The following CSF2RA variants were observed in gnomAD, a reference collection of about 807,000 sequenced individuals.
CSF2RA encodes the protein granulocyte-macrophage colony-stimulating factor receptor subunit alpha.
In CSF2RA, 42 loss-of-function variants were observed where a neutral mutation model predicts 51.6. That is an observed-to-expected ratio of 0.81 (90% CI 0.64 to 1.05). The LOEUF (loss-of-function observed/expected upper bound fraction) is 1.05, where lower values mean the gene tolerates loss of function less well. CSF2RA is among the 50% of genes least tolerant of loss of function. The pLI is 0.00. For missense variants in CSF2RA, 530 were observed against 501.1 expected, an observed-to-expected ratio of 1.06 and a Z score of -0.55; for synonymous variants, 222 against 193.0, an observed-to-expected ratio of 1.15 and a Z score of -1.24.
At chrX:1,283,155 GTTCCTTCCTTCGTTCCTTCCTTCC>G (rs1569496136) in intron 3 of CSF2RA, among the ~76,000 whole-genome samples, 2 of 68,104 alleles carry the variant, frequency 2.9e-5, no homozygotes, top group Non-Finnish European at 6.1e-5. Context: ...TCCTTCCTTC[GTTCCTTCCTTCGTTCCTTCCTTCC>G]TTCCTTCCTT....
chrX:1,273,504 T>TG lies in CSF2RA; in HGVS notation c.-90-1251_-90-1250insG, dbSNP rs1485383757. Among the ~76,000 whole-genome samples, 4 of 151,912 alleles carry TG rather than the reference T, an allele frequency of 2.6e-5. No individual in the cohort carries two copies. In the East Asian group the frequency reaches 7.8e-4, roughly 30 times the overall value. On this transcript the variant is annotated intron_variant, in intron 1 of 12. Transcript: ENST00000381529. ...TAATTGTTTTTTGTTTTTTGTTTTTTTTTTAGTAGAGATGGGGTTTCACTG... is the reference window on the plus strand; with the variant it reads ...TAATTGTTTTTTGTTTTTTGTTTTTTGTTTTAGTAGAGATGGGGTTTCACTG...
At chrX:1,281,558 C>G (rs1330429976) in intron 2 of CSF2RA, among the ~76,000 whole-genome samples, 1 of 151,774 alleles carries the variant, frequency 6.6e-6, no homozygotes, top group Non-Finnish European at 1.5e-5. Context: ...ACCTTTCCTC[C>G]TCCTCCTTCT....
chrX:1,305,776 A>C, intron 12 of CSF2RA: 1 of 1,551,212 alleles, frequency 6.4e-7, no homozygotes, highest in Admixed American at 2.0e-5. Flanking sequence ...TGGTCAAGAA[A>C]AGGAGGAGAA....
At chrX:1,314,266 TGCGCC>T (rs2084328445), downstream of CSF2RA, among the ~76,000 whole-genome samples, 1 of 22,838 alleles carries the variant, frequency 4.4e-5, no homozygotes, top group Non-Finnish European at 9.5e-5. Flanking sequence ...CCAACCCCAC[TGCGCC>T]TGCCCAACCC....
intron 10 of CSF2RA, 73 bp downstream of exon 10, chrX:1,300,699 G>T (rs2092310159): frequency 6.3e-7 from 1 of 1,593,650 alleles, no homozygotes; most frequent in Non-Finnish European, 8.6e-7. Flanking sequence ...GAGGTCAGGT[G>T]CTCTGTCCTG....
At position 1,300,577 on chromosome X, in the gene CSF2RA, A is replaced by G. The variant is rs199982037; in HGVS notation, c.897A>G (p.Ala299=). The change falls in exon 10 of 13, where the codon GCA becomes GCG. Residue 299 remains alanine, a synonymous_variant. Coordinates refer to ENST00000381529, the MANE Select transcript of CSF2RA (RefSeq NM_172245.4). ...AACACAGTGTGAAGATCAGAGCTGCAGACGTCCGCATCTTGAATTGGAGCT... is the reference window on the plus strand; with the variant it reads ...AACACAGTGTGAAGATCAGAGCTGCGGACGTCCGCATCTTGAATTGGAGCT... ...RAKHSVKIRA[A]DVRILNWSSW... The G allele has an allele frequency of 6.2e-7, 1 of 1,613,938 alleles. No individual in the cohort carries two copies. Among genetic ancestry groups the G allele is most frequent in the Admixed American group, 1.7e-5 (1 of 59,998 alleles).
chrX:1,298,626 C>G (rs111420820), intron 9 of CSF2RA, among the ~76,000 whole-genome samples: 6 of 4,650 alleles, frequency 1.3e-3, no homozygotes, highest in African/African-American at 2.3e-3. Flanking sequence ...GACCCCTACA[C>G]TCTCCTACCC....
intron 2 of CSF2RA, among the ~76,000 whole-genome samples, chrX:1,281,168 CCTCCTTCTCCTCCTT>C (rs1302156205): frequency 1.6e-4 from 19 of 117,728 alleles, no homozygotes; most frequent in African/African-American, 6.3e-4. Context: ...TCCTCCTACT[CCTCCTTCTCCTCCTT>C]CTCCTTCTCC....
intron 1 of CSF2RA, among the ~76,000 whole-genome samples, chrX:1,272,801 CTTTTTT>C (rs372370857): frequency 7.2e-6 from 1 of 139,512 alleles, no homozygotes; most frequent in Non-Finnish European, 1.5e-5. Context: ...TCTTCTTTTT[CTTTTTT>C]TTTTTCTTTC....
At chrX:1,313,463 C>T (rs185845290), downstream of CSF2RA, among the ~76,000 whole-genome samples, 168 of 148,970 alleles carry the variant, frequency 1.1e-3, no homozygotes, top group African/African-American at 4.0e-3. Context: ...GGAATCCCAG[C>T]ACTTTGCAAG....
At chrX:1,271,022 T>A (rs1422758219) in intron 1 of CSF2RA, among the ~76,000 whole-genome samples, 1 of 149,862 alleles carries the variant, frequency 6.7e-6, no homozygotes, top group Non-Finnish European at 1.5e-5. Context: ...CCATCCCTCG[T>A]GTATAAAAAA....
rs1389525203 is a variant in CSF2RA, at chrX:1,268,867, G to A, written c.-103G>A. ...AAAAGCAGGTGGAAGGAGAGGAAGC[G>A]GATGCCGTGGGGGTAAGCTAAGTTC... On this transcript the variant is annotated 5_prime_UTR_variant, in exon 1 of 13. Transcript: ENST00000381529. The A allele has an allele frequency of 6.6e-6, 3 of 453,932 alleles. No individual in the cohort carries two copies. Among genetic ancestry groups the A allele is most frequent in the Non-Finnish European group, 1.3e-5 (3 of 226,780 alleles). 28.1% of individuals were successfully genotyped at this position (453,932 alleles called of 1,614,324 possible). A position where few individuals can be genotyped will look rare whatever the true frequency, so the allele number is the denominator to read the frequency against.
At chrX:1,314,324 G>T (rs1275969224), downstream of CSF2RA, among the ~76,000 whole-genome samples, 1 of 137,078 alleles carries the variant, frequency 7.3e-6, no homozygotes, top group African/African-American at 2.6e-5. Flanking sequence ...CAACCACACT[G>T]CACCTGCCCA....
At chrX:1,308,101 A>G (rs762124189) in intron 12 of CSF2RA, among the ~76,000 whole-genome samples, 86 of 152,280 alleles carry the variant, frequency 5.6e-4, no homozygotes, top group Admixed American at 9.8e-4. Context: ...TGATTAGATA[A>G]GGCCCACCCA....
Position 1,302,308 on chromosome X carries a change from G to C in CSF2RA, c.947-1615G>C, listed in dbSNP as rs2083071082. Among the ~76,000 whole-genome samples the C allele has an allele frequency of 2.0e-5, 3 of 152,142 alleles. No individual in the cohort carries two copies. In the South Asian group the frequency reaches 6.2e-4, roughly 32 times the overall value. Reference sequence around the variant, plus strand: ...GATTTTGAGGGCTCCAAATTGAAAAGGGGAAGGGGCAGGATATTGAGAAGT... The same window carrying C: ...GATTTTGAGGGCTCCAAATTGAAAACGGGAAGGGGCAGGATATTGAGAAGT... On this transcript the variant is annotated intron_variant, in intron 10 of 12. Transcript: ENST00000381529.
chrX:1,287,147 CTTTTT>C (rs760358278), intron 4 of CSF2RA: 2 of 110,804 alleles, frequency 1.8e-5, no homozygotes, highest in Admixed American at 9.8e-5. Context: ...AGATGACATA[CTTTTT>C]TTTTTTTTTT....
At chrX:1,318,529 T>C in the CSF2RA span, among the ~76,000 whole-genome samples, 1 of 151,892 alleles carries the variant, frequency 6.6e-6, no homozygotes, top group African/African-American at 2.4e-5. Context: ...CCCAGGCCGT[T>C]GGACTTTGCC....
At chrX:1,269,814 A>C (rs1349947072) in intron 1 of CSF2RA, among the ~76,000 whole-genome samples, 25 of 149,820 alleles carry the variant, frequency 1.7e-4, no homozygotes, top group African/African-American at 6.3e-4. Context: ...GCTTATTAAG[A>C]TAGTAAAGGG....
At chrX:1,271,718 T>C (rs1294259780) in intron 1 of CSF2RA, among the ~76,000 whole-genome samples, 3 of 151,690 alleles carry the variant, frequency 2.0e-5, no homozygotes, top group African/African-American at 7.3e-5. Flanking sequence ...TGTTTCACCA[T>C]GTTGGCCAGG....
Sources: gnomAD v4.1 joint callset for allele counts (sites outside exome capture counted in the v4.1 genomes callset) on GRCh38, gnomAD v4.1.1 for gene constraint, MANE v1.5 for transcripts, NCBI Gene and HGNC (gene_info 2026-07-23, HGNC 2026-07-21) for gene names.